The following ZNRF3 variants were observed in gnomAD, a reference collection of about 807,000 sequenced individuals.
The protein encoded by ZNRF3 is E3 ubiquitin-protein ligase ZNRF3.
In ZNRF3, 23 loss-of-function variants were observed where a neutral mutation model predicts 72.5. The ratio of observed to expected loss-of-function variants is 0.32; its 90% CI spans 0.23 to 0.45. The LOEUF (loss-of-function observed/expected upper bound fraction) is 0.45, where lower values mean the gene tolerates loss of function less well. Among genes scored for constraint, ZNRF3 ranks in the 20% least tolerant of loss-of-function variants. ZNRF3 has a pLI of 1.00. For synonymous variants in ZNRF3, 610 were observed against 545.3 expected, an observed-to-expected ratio of 1.12 and a Z score of -1.65; for missense variants, 1,169 against 1,272.1, an observed-to-expected ratio of 0.92 and a Z score of 1.23.
intron 1 of ZNRF3, among the ~76,000 whole-genome samples, chr22:28,954,075 GT>G (rs1003299499): frequency 1.3e-5 from 2 of 151,960 alleles, no homozygotes; most frequent in Non-Finnish European, 2.9e-5. Context: ...CTCTGTGTGT[GT>G]TTTTTTTCAT....
chr22:28,994,617 C>T (rs1247883301), intron 2 of ZNRF3, among the ~76,000 whole-genome samples: 1 of 151,930 alleles, frequency 6.6e-6, no homozygotes. Flanking sequence ...ATGAAGCTTC[C>T]ATTTGAGAAG....
chr22:29,024,365 T>C (rs1309328297), intron 2 of ZNRF3, among the ~76,000 whole-genome samples: 1 of 145,906 alleles, frequency 6.9e-6, no homozygotes, highest in Non-Finnish European at 1.5e-5. Context: ...GAAACAATAA[T>C]TGCCCCTGTA....
At chr22:28,990,679 T>A (rs1025729950) in intron 2 of ZNRF3, among the ~76,000 whole-genome samples, 4 of 151,986 alleles carry the variant, frequency 2.6e-5, no homozygotes, top group Admixed American at 6.6e-5. Context: ...CTGTCTCCAG[T>A]CAATCAATCA....
Position 29,048,518 on chromosome 22 carries a change from C to T in ZNRF3, c.1015+27C>T. 2 of 1,608,016 alleles carry T rather than the reference C, an allele frequency of 1.2e-6. No homozygotes were observed. The highest frequency in any genetic ancestry group is 1.7e-6 in the Non-Finnish European group (2 of 1,174,504). On this transcript the variant is annotated intron_variant, in intron 7 of 8. Transcript: ENST00000544604. This position sits in a 1 kb window ranked among gnomAD's most constrained non-coding sequence, Gnocchi z 4.9. ...TAACTGTCACCCGCCTTAGCCATTG[C>T]TGAAGAGTCAAGTGCCTAGCTAGAG...
intron 1 of ZNRF3, among the ~76,000 whole-genome samples, chr22:28,952,712 T>C (rs187186134): frequency 1.3e-3 from 205 of 152,328 alleles, no homozygotes; most frequent in African/African-American, 4.7e-3. Flanking sequence ...GTGTCGAGCT[T>C]TGACAGTTAA....
At chr22:28,926,541 C>T (rs1397863927) in intron 1 of ZNRF3, among the ~76,000 whole-genome samples, 4 of 150,414 alleles carry the variant, frequency 2.7e-5, no homozygotes, top group Non-Finnish European at 3.0e-5. Flanking sequence ...GGCATGGTGG[C>T]GCACACCTGT....
chr22:29,033,767 G>A (rs2036811081), intron 2 of ZNRF3, among the ~76,000 whole-genome samples: 1 of 152,196 alleles, frequency 6.6e-6, no homozygotes, highest in Non-Finnish European at 1.5e-5. Context: ...GAGGAATGGG[G>A]GAGATGGGGT....
intron 1 of ZNRF3, among the ~76,000 whole-genome samples, chr22:28,902,487 A>T (rs1213143999): frequency 2.6e-5 from 4 of 151,774 alleles, no homozygotes; most frequent in Non-Finnish European, 5.9e-5. Context: ...CGCTCAAATG[A>T]TCCTCCCACC....
intron 1 of ZNRF3, among the ~76,000 whole-genome samples, chr22:28,937,801 C>T (rs568175364): frequency 2.1e-4 from 32 of 152,288 alleles, no homozygotes; most frequent in African/African-American, 7.7e-4. Context: ...TATATTCATA[C>T]ATATGTGGAC....
intron 1 of ZNRF3, among the ~76,000 whole-genome samples, chr22:28,928,215 A>AG (rs1428033721): frequency 6.6e-6 from 1 of 152,144 alleles, no homozygotes; most frequent in African/African-American, 2.4e-5. Flanking sequence ...ATGAATAGTT[A>AG]GTTGTGTGTG....
chr22:28,947,837 A>G (rs181348728), intron 1 of ZNRF3, among the ~76,000 whole-genome samples: 1 of 151,412 alleles, frequency 6.6e-6, no homozygotes, highest in East Asian at 2.0e-4. Flanking sequence ...AACACATTAC[A>G]TGTTAACAAA....
intron 1 of ZNRF3, among the ~76,000 whole-genome samples, chr22:28,888,117 G>C (rs1316904437): frequency 3.3e-5 from 5 of 152,156 alleles, no homozygotes; most frequent in African/African-American, 1.2e-4. Flanking sequence ...AGAAGCTGAG[G>C]ACATTTAAGA....
chr22:29,023,008 AC>A (rs1340781035), intron 2 of ZNRF3, among the ~76,000 whole-genome samples: 5 of 151,750 alleles, frequency 3.3e-5, no homozygotes, highest in Admixed American at 6.6e-5. Flanking sequence ...CTCATCGTCC[AC>A]CCCCCTCCCA....
rs1443256112 is a variant in ZNRF3 at position 28,887,318 on chromosome 22, T to C, written c.300+3252T>C. On this transcript the variant is annotated intron_variant, in intron 1 of 8. Coordinates refer to ENST00000544604, the MANE Select transcript of ZNRF3 (RefSeq NM_001206998.2). ...ATACCTTATCATAGTCTGGTTTGCC[T>C]AGATAATTCTAACTAGAGTACCTGT... Among the ~76,000 whole-genome samples the C allele has an allele frequency of 1.3e-5, 2 of 152,012 alleles. 1 individual carries two copies. The highest frequency in any genetic ancestry group is 4.2e-4 in the South Asian group (2 of 4,800).
At chr22:28,984,050 C>A (rs1322830491) in intron 1 of ZNRF3, among the ~76,000 whole-genome samples, 1 of 151,674 alleles carries the variant, frequency 6.6e-6, no homozygotes, top group Non-Finnish European at 1.5e-5. Context: ...GTGGGATCCC[C>A]GTGTTAGCTG....
chr22:29,045,319 C>T (rs1296105814), intron 5 of ZNRF3, among the ~76,000 whole-genome samples: 2 of 148,402 alleles, frequency 1.3e-5, no homozygotes, highest in East Asian at 2.0e-4. Flanking sequence ...TATGATCACA[C>T]CACTGCATTC....
rs886993792 is a variant in ZNRF3 at position 28,884,084 on chromosome 22, G to A, written c.300+18G>A. 3.3e-6 allele frequency: 4 copies of A among 1,200,262 alleles called. No homozygotes were observed. The highest frequency in any genetic ancestry group is 1.6e-5 in the African/African-American group (1 of 61,462). 74.4% of individuals were successfully genotyped at this position (1,200,262 alleles called of 1,614,324 possible). A position where few individuals can be genotyped will look rare whatever the true frequency, so the allele number is the denominator to read the frequency against. ...TCGTGCAGGTAGCTGCCCGCCGCCC[G>A]GGCCCCGCGCCGCCTCCGCCACAAG... On this transcript the variant is annotated intron_variant, in intron 1 of 8. Transcript: ENST00000544604.
At chr22:29,014,990 C>G (rs1007816507) in intron 2 of ZNRF3, among the ~76,000 whole-genome samples, 2 of 152,246 alleles carry the variant, frequency 1.3e-5, no homozygotes, top group Non-Finnish European at 2.9e-5. Flanking sequence ...GACACATCTG[C>G]AACCTGGGGT....
At chr22:28,909,747 A>ATTTTTTTTTTTTTTTTTT (rs11432409) in intron 1 of ZNRF3, among the ~76,000 whole-genome samples, 1 of 113,890 alleles carries the variant, frequency 8.8e-6, no homozygotes. Context: ...TGCCTGGCTA[A>ATTTTTTTTTTTTTTTTTT]TTTTTTTTTT....
Sources: gnomAD v4.1 joint callset for allele counts (sites outside exome capture counted in the v4.1 genomes callset) on GRCh38, gnomAD v4.1.1 for gene constraint, Gnocchi (gnomAD v3.1) non-coding constraint, MANE v1.5 for transcripts, NCBI Gene and HGNC (gene_info 2026-07-23, HGNC 2026-07-21) for gene names.